Variants in MTHFD2L observed in about 807,000 individuals in gnomAD.
MTHFD2L encodes the protein bifunctional methylenetetrahydrofolate dehydrogenase/cyclohydrolase 2, mitochondrial.
A neutral mutation model predicts 34.9 loss-of-function variants in MTHFD2L; 29 were observed. The ratio of observed to expected loss-of-function variants is 0.83; its 90% CI spans 0.62 to 1.13. MTHFD2L has a LOEUF of 1.13. Ranked by LOEUF, MTHFD2L falls within the 50% of genes most tolerant of loss-of-function variation. The pLI, the probability that MTHFD2L is intolerant of heterozygous loss-of-function variation, is 0.00. For synonymous variants in MTHFD2L, 167 were observed against 155.7 expected, an observed-to-expected ratio of 1.07 and a Z score of -0.54; for missense variants, 481 against 446.5, an observed-to-expected ratio of 1.08 and a Z score of -0.70.
In MTHFD2L at chr4:74,296,083, C is replaced by T. The variant is rs113302856; in HGVS notation, c.932-5614C>T. Among the ~76,000 whole-genome samples the T allele has an allele frequency of 5.6e-3, 849 of 152,178 alleles. 5 individuals are homozygous for T. The highest frequency in any genetic ancestry group is 0.02 in the African/African-American group (813 of 41,530). ...AGGCAGTATCTATGTCTGTCTTGCT[C>T]AAGGAATAATTGTTACGAATCTATC... is the stretch of plus-strand genomic sequence containing the variant. On this transcript the variant is annotated intron_variant, in intron 7 of 7. Transcript: ENST00000325278.
At chr4:74,235,202 T>G (rs1740670206) in intron 6 of MTHFD2L, among the ~76,000 whole-genome samples, 1 of 152,136 alleles carries the variant, frequency 6.6e-6, no homozygotes, top group African/African-American at 2.4e-5. Context: ...TAACATCATA[T>G]TTGAATTTTA....
intron 7 of MTHFD2L, among the ~76,000 whole-genome samples, chr4:74,284,596 A>G (rs1158933695): frequency 1.3e-5 from 2 of 151,730 alleles, no homozygotes; most frequent in African/African-American, 4.8e-5. Flanking sequence ...CCTTTATCAT[A>G]TAAGTAGATG....
intron 5 of MTHFD2L, among the ~76,000 whole-genome samples, chr4:74,206,230 A>G (rs775998322): frequency 3.9e-5 from 6 of 151,912 alleles, no homozygotes; most frequent in Non-Finnish European, 5.9e-5. Context: ...TTAAAAAGGG[A>G]AAACTTGATA....
intron 3 of MTHFD2L, among the ~76,000 whole-genome samples, chr4:74,190,105 C>A (rs1732200808): frequency 6.6e-6 from 1 of 152,024 alleles, no homozygotes; most frequent in Non-Finnish European, 1.5e-5. Flanking sequence ...GCAAGATTCC[C>A]AAAAAAACAT....
intron 6 of MTHFD2L, among the ~76,000 whole-genome samples, chr4:74,271,338 A>G (rs1037280830): frequency 5.9e-5 from 9 of 152,084 alleles, no homozygotes; most frequent in African/African-American, 2.2e-4. Context: ...ATCTTGAATT[A>G]ATTTTTGTAT....
At chr4:74,201,444 G>T in intron 5 of MTHFD2L, 74 bp downstream of exon 5, 2 of 1,062,838 alleles carry the variant, frequency 1.9e-6, no homozygotes, top group African/African-American at 1.6e-5. Flanking sequence ...AAACACTTTT[G>T]ATAATGCAGC....
intron 1 of MTHFD2L, among the ~76,000 whole-genome samples, chr4:74,167,805 G>C (rs1015366323): frequency 6.6e-6 from 1 of 152,200 alleles, no homozygotes; most frequent in East Asian, 1.9e-4. Flanking sequence ...GGCTAAAGTA[G>C]CTCATGCAGA....
At chr4:74,219,823 T>C (rs1394537757) in intron 5 of MTHFD2L, among the ~76,000 whole-genome samples, 1 of 152,148 alleles carries the variant, frequency 6.6e-6, no homozygotes, top group Non-Finnish European at 1.5e-5. Context: ...AGTTCAAATA[T>C]GACTTGGATA....
intron 5 of MTHFD2L, among the ~76,000 whole-genome samples, chr4:74,209,824 A>T (rs895528408): frequency 4.6e-5 from 7 of 152,138 alleles, no homozygotes; most frequent in Non-Finnish European, 8.8e-5. Context: ...GTGTAAAAGC[A>T]TTCCTATTTC....
chr4:74,289,492 T>C (rs1748614819), intron 7 of MTHFD2L, among the ~76,000 whole-genome samples: 1 of 152,166 alleles, frequency 6.6e-6, no homozygotes, highest in Non-Finnish European at 1.5e-5. Context: ...AGGAAGGATA[T>C]TTGGATTATA....
intron 5 of MTHFD2L, among the ~76,000 whole-genome samples, chr4:74,222,374 C>G (rs749767301): frequency 6.6e-6 from 1 of 152,036 alleles, no homozygotes; most frequent in African/African-American, 2.4e-5. Flanking sequence ...TGCATCATCT[C>G]ATGATGGAAG....
chr4:74,168,151 CTAAA>C (rs1384439294), intron 1 of MTHFD2L, among the ~76,000 whole-genome samples: 4 of 152,178 alleles, frequency 2.6e-5, no homozygotes, highest in African/African-American at 7.2e-5. Context: ...GTCAAAATCT[CTAAA>C]TGGCTTCGTG....
intron 5 of MTHFD2L, among the ~76,000 whole-genome samples, chr4:74,222,275 T>C (rs917993959): frequency 4.1e-4 from 62 of 149,652 alleles, no homozygotes; most frequent in Non-Finnish European, 2.9e-5. Context: ...GACTGGGTAA[T>C]TTATAAAGAA....
intron 1 of MTHFD2L, chr4:74,161,830 T>G (rs1271911167): frequency 6.6e-6 from 1 of 152,204 alleles, no homozygotes; most frequent in African/African-American, 2.4e-5. Context: ...CCAGATGATC[T>G]TTTCATGGGC....
chr4:74,232,257 C>T (rs1475438789), intron 6 of MTHFD2L, among the ~76,000 whole-genome samples: 2 of 152,170 alleles, frequency 1.3e-5, no homozygotes, highest in Non-Finnish European at 2.9e-5. Flanking sequence ...TATGCCTTCT[C>T]AGGATGACAT....
chr4:74,292,101 G>C (rs535105848), intron 7 of MTHFD2L, among the ~76,000 whole-genome samples: 1 of 152,124 alleles, frequency 6.6e-6, no homozygotes, highest in Non-Finnish European at 1.5e-5. Flanking sequence ...AGCATTTCAC[G>C]AAACAGGTAG....
At chr4:74,120,419 C>T (rs920975082), upstream of MTHFD2L, among the ~76,000 whole-genome samples, 1 of 152,200 alleles carries the variant, frequency 6.6e-6, no homozygotes, top group African/African-American at 2.4e-5. Flanking sequence ...CCAACTAATA[C>T]CATAGCTGCA....
At chr4:74,221,061 A>G (rs550269446) in intron 5 of MTHFD2L, among the ~76,000 whole-genome samples, 29 of 151,270 alleles carry the variant, frequency 1.9e-4, no homozygotes, top group African/African-American at 7.0e-4. Context: ...ATTTTGACCC[A>G]AGAATTATTT....
At chr4:74,153,998 T>G (rs1399749006), upstream of MTHFD2L, among the ~76,000 whole-genome samples, 2 of 152,228 alleles carry the variant, frequency 1.3e-5, no homozygotes, top group South Asian at 2.1e-4. Context: ...ACATTATATT[T>G]AGTTGTCATG....
Sources: gnomAD v4.1 joint callset for allele counts (sites outside exome capture counted in the v4.1 genomes callset) on GRCh38, gnomAD v4.1.1 for gene constraint, MANE v1.5 for transcripts, NCBI Gene and HGNC (gene_info 2026-07-23, HGNC 2026-07-21) for gene names.